Variants in CNTN6 observed in about 807,000 individuals in gnomAD.
CNTN6 encodes contactin 6, also known as contactin-6.
CNTN6 carries 137 observed loss-of-function variants against 122.8 expected under a neutral mutation model. The observed-to-expected ratio is 1.12, with a 90% CI of 0.97 to 1.29. The LOEUF is 1.29. Among genes scored for constraint, CNTN6 ranks in the 50% most tolerant of loss-of-function variants. The pLI is 0.00. For missense variants in CNTN6, 1,634 were observed against 1,223.4 expected, an observed-to-expected ratio of 1.34 and a Z score of -5.01; for synonymous variants, 570 against 426.0, an observed-to-expected ratio of 1.34 and a Z score of -4.16.
rs112813454 is a variant in CNTN6, at chr3:1,382,928, A to G, written c.2167-14A>G. The G allele has an allele frequency of 6.3e-7, 1 of 1,581,152 alleles. No homozygotes were observed. The highest frequency in any genetic ancestry group is 8.7e-7 in the Non-Finnish European group (1 of 1,151,176). On this transcript the variant is annotated splice_polypyrimidine_tract_variant and intron_variant, in intron 17 of 22. Transcript: ENST00000446702. ...TTTTGCAAATACTCAGTGATTGATC[A>G]CATTCTGCCCAAGTCAATTCCAGAA...
chr3:1,202,729 G>A (rs1469589181), intron 2 of CNTN6, among the ~76,000 whole-genome samples: 1 of 152,034 alleles, frequency 6.6e-6, no homozygotes, highest in Non-Finnish European at 1.5e-5. Context: ...TAAATGTCAA[G>A]GGCTTTTCTC....
intron 11 of CNTN6, among the ~76,000 whole-genome samples, chr3:1,340,765 C>T (rs1703769179): frequency 6.6e-6 from 1 of 152,128 alleles, no homozygotes; most frequent in African/African-American, 2.4e-5. Context: ...TAGCATCCAT[C>T]ACTTTCAAAA....
rs1265914401 is a variant in CNTN6, at chr3:1,106,625, C to T, written c.-83+13505C>T. Among the ~76,000 whole-genome samples, 5 of 151,986 alleles carry T rather than the reference C, an allele frequency of 3.3e-5. 1 individual carries two copies. The South Asian group carries it at 1.0e-3, about 31-fold the overall frequency. ...TGAAACAAACATATTTTACTTATAG[C>T]TTAGAATAATCACCTTTATAAATTT... On this transcript the variant is annotated intron_variant, in intron 1 of 22. Coordinates refer to ENST00000446702, the MANE Select transcript of CNTN6 (RefSeq NM_001289080.2).
rs552649376 is a variant in CNTN6, at chr3:1,182,573, A to T, written c.55+34510A>T. On this transcript the variant is annotated intron_variant, in intron 2 of 22. Transcript: ENST00000446702. ...GGCATTCTGTATTAAGAAAAAGGCA[A>T]TCATTTGCCCACATTCTCCTTTTCC... 3.6e-5 allele frequency among the ~76,000 whole-genome samples: 5 copies of T among 140,316 alleles called. No individual in the cohort carries two copies. In the East Asian group the frequency reaches 1.2e-3, roughly 32 times the overall value. The allele number at this position is 140,316 out of a possible 152,430, so 92.1% of individuals were successfully genotyped here.
intron 7 of CNTN6, among the ~76,000 whole-genome samples, chr3:1,315,249 A>C (rs1043398530): frequency 1.3e-5 from 2 of 152,040 alleles, no homozygotes; most frequent in African/African-American, 4.8e-5. Context: ...ATCTTGAAGC[A>C]AAACGAACTC....
chr3:1,274,529 T>C (rs1256764252), intron 4 of CNTN6, among the ~76,000 whole-genome samples: 4 of 152,186 alleles, frequency 2.6e-5, no homozygotes, highest in Non-Finnish European at 5.9e-5. Flanking sequence ...TATAAGACTT[T>C]CTCAATTTAC....
At chr3:1,240,729 G>GA (rs1373369032) in intron 4 of CNTN6, among the ~76,000 whole-genome samples, 3 of 150,954 alleles carry the variant, frequency 2.0e-5, no homozygotes, top group African/African-American at 4.9e-5. Context: ...AGAAAAAAAA[G>GA]AAAAAAATTT....
At chr3:1,207,165 C>G (rs1264910836) in intron 2 of CNTN6, among the ~76,000 whole-genome samples, 2 of 151,966 alleles carry the variant, frequency 1.3e-5, no homozygotes, top group African/African-American at 4.8e-5. Context: ...AGTCTTTGTC[C>G]TCCTCCCAAC....
rs932229406 is a variant in CNTN6, at chr3:1,403,822, T to C, written c.*404T>C. On this transcript the variant is annotated 3_prime_UTR_variant, in exon 23 of 23. Transcript: ENST00000446702. The stretch of plus-strand genomic sequence containing the variant: ...TCAGTATTTAAAATTTCCACCCTAC[T>C]TCAAAATAAAATACAATTATTTGTT... 6.5e-6 allele frequency: 1 copy of C among 152,968 alleles called. No homozygotes were observed. The highest frequency in any genetic ancestry group is 2.4e-5 in the African/African-American group (1 of 41,484). 9.5% of individuals were successfully genotyped at this position (152,968 alleles called of 1,614,324 possible). A position where few individuals can be genotyped will look rare whatever the true frequency, so the allele number is the denominator to read the frequency against.
intron 1 of CNTN6, among the ~76,000 whole-genome samples, chr3:1,145,951 T>C (rs1478105820): frequency 1.3e-5 from 2 of 152,226 alleles, no homozygotes; most frequent in South Asian, 2.1e-4. Flanking sequence ...TTGGTGGTAA[T>C]ATTTAAATGA....
chr3:1,249,639 T>A (rs2094631920), intron 4 of CNTN6, among the ~76,000 whole-genome samples: 1 of 152,202 alleles, frequency 6.6e-6, no homozygotes, highest in Admixed American at 6.5e-5. Context: ...TTGAGAATTG[T>A]GCGGTTGAGA....
At chr3:1,168,752 C>T (rs113749200) in intron 2 of CNTN6, among the ~76,000 whole-genome samples, 119 of 152,176 alleles carry the variant, frequency 7.8e-4, no homozygotes, top group African/African-American at 2.8e-3. Context: ...ATTCTTCCTG[C>T]ATTTTGCATG....
intron 7 of CNTN6, among the ~76,000 whole-genome samples, chr3:1,311,278 C>T (rs1255205322): frequency 2.1e-5 from 3 of 141,684 alleles, no homozygotes; most frequent in African/African-American, 7.8e-5. Context: ...TATATACATA[C>T]ATATTTATAT....
Position 1,384,794 on chromosome 3 carries a change from T to TAC in CNTN6, c.2518-816_2518-815insCA, listed in dbSNP as rs201630403. 4.5e-3 allele frequency among the ~76,000 whole-genome samples: 486 copies of TAC among 107,116 alleles called. 7 individuals carry two copies. Among genetic ancestry groups the TAC allele is most frequent in the Non-Finnish European group, 7.4e-3 (346 of 46,856 alleles). 70.3% of individuals were successfully genotyped at this position (107,116 alleles called of 152,430 possible). On this transcript the variant is annotated intron_variant, in intron 19 of 22. Coordinates refer to ENST00000446702, the MANE Select transcript of CNTN6 (RefSeq NM_001289080.2). ...ACACATATATATATATATATATATATATACACACACACACACACATATATA... is the reference window on the plus strand; with the variant it reads ...ACACATATATATATATATATATATATACATACACACACACACACACATATATA...
intron 2 of CNTN6, among the ~76,000 whole-genome samples, chr3:1,190,303 G>A (rs754791782): frequency 1.6e-4 from 25 of 152,212 alleles, no homozygotes; most frequent in South Asian, 2.1e-4. Flanking sequence ...TCCAAATACC[G>A]TCACATCGGG....
chr3:1,272,628 A>G (rs553668386), intron 4 of CNTN6, among the ~76,000 whole-genome samples: 1 of 152,150 alleles, frequency 6.6e-6, no homozygotes, highest in African/African-American at 2.4e-5. Context: ...TATTTTCCCT[A>G]TCTCCAGCTT....
intron 5 of CNTN6, among the ~76,000 whole-genome samples, chr3:1,285,358 G>A (rs1694151126): frequency 2.0e-5 from 3 of 152,288 alleles, no homozygotes; most frequent in Non-Finnish European, 2.9e-5. Flanking sequence ...TAAGGATGGA[G>A]TAAATCAGGA....
At chr3:1,364,638 C>T (rs958073805) in intron 12 of CNTN6, among the ~76,000 whole-genome samples, 3 of 151,782 alleles carry the variant, frequency 2.0e-5, no homozygotes, top group African/African-American at 4.8e-5. Context: ...ATTTATTTGG[C>T]CATTGATATA....
At chr3:1,262,849 A>G (rs2094869297) in intron 4 of CNTN6, among the ~76,000 whole-genome samples, 2 of 152,060 alleles carry the variant, frequency 1.3e-5, no homozygotes, top group African/African-American at 4.8e-5. Flanking sequence ...GTACCCACAT[A>G]TATAGTATAA....
Sources: allele counts gnomAD v4.1 joint callset (sites outside exome capture counted in the v4.1 genomes callset), GRCh38; gene constraint gnomAD v4.1.1; transcripts MANE v1.5; gene names NCBI Gene and HGNC (gene_info 2026-07-23, HGNC 2026-07-21).